Variants in CDH13 observed in about 807,000 individuals in gnomAD.
CDH13 encodes cadherin-13.
In CDH13, 24 loss-of-function variants were observed where a neutral mutation model predicts 63.8. The observed-to-expected ratio is 0.38, with a 90% confidence interval of 0.27 to 0.53. CDH13 has a LOEUF of 0.53. CDH13 is among the 20% of genes least tolerant of loss of function. The probability of loss-of-function intolerance (pLI) is 0.85; values close to 1 mark genes in which losing one functional copy is unlikely to be tolerated. For missense variants in CDH13, 1,049 were observed against 903.1 expected (o/e 1.16, Z -2.07); for synonymous variants, 503 against 355.3 (o/e 1.42, Z -4.67).
chr16:83,308,549 G>A (rs751609487), intron 5 of CDH13, among the ~76,000 whole-genome samples: 60 of 152,174 alleles, frequency 3.9e-4, no homozygotes, highest in Non-Finnish European at 7.5e-4. Flanking sequence ...ACACACTAGA[G>A]ATTACAAAGC....
chr16:83,408,658 C>G (rs1427899466), intron 6 of CDH13, among the ~76,000 whole-genome samples: 2 of 152,170 alleles, frequency 1.3e-5, no homozygotes, highest in African/African-American at 4.8e-5. Context: ...ATATTGTTAT[C>G]CAGCAATGAC....
rs528696626 is a variant in CDH13, at chr16:83,084,572, G to T, written c.367-40813G>T. 6.6e-5 allele frequency among the ~76,000 whole-genome samples: 10 copies of T among 152,280 alleles called. No individual in the cohort carries two copies. In the South Asian group the frequency reaches 2.1e-3, roughly 32 times the overall value. On this transcript the variant is annotated intron_variant, in intron 3 of 13. Coordinates refer to ENST00000567109, the MANE Select transcript of CDH13 (RefSeq NM_001257.5). ...TCCTTTAGAGATACCTTTGGCTGCAGATATGTGACACAGCTGATTTAAAAT... is the reference window on the plus strand; with the variant it reads ...TCCTTTAGAGATACCTTTGGCTGCATATATGTGACACAGCTGATTTAAAAT...
chr16:83,424,114 C>T (rs758805386), intron 6 of CDH13, among the ~76,000 whole-genome samples: 52 of 150,600 alleles, frequency 3.5e-4, no homozygotes, highest in Admixed American at 3.3e-4. Flanking sequence ...AAATCCAAAA[C>T]GTACTGAACA....
rs1451579235 is a variant in CDH13, at chr16:82,644,932, C to T, written c.45+17795C>T. The stretch of plus-strand genomic sequence containing the variant: ...AAAAATTAGGGGAATCAAAAAATTA[C>T]TTGTATAAACTAATATTTTGGAAAA... On this transcript the variant is annotated intron_variant, in intron 1 of 13. Transcript: ENST00000567109. This position sits in a 1 kb window ranked among gnomAD's most constrained non-coding sequence, Gnocchi z 5.7. Among the ~76,000 whole-genome samples, 2 of 152,142 alleles carry T rather than the reference C, an allele frequency of 1.3e-5. No homozygotes were observed. Among genetic ancestry groups the T allele is most frequent in the African/African-American group, 4.8e-5 (2 of 41,426 alleles).
intron 7 of CDH13, among the ~76,000 whole-genome samples, chr16:83,561,021 A>G (rs2075695492): frequency 6.6e-6 from 1 of 151,950 alleles, no homozygotes; most frequent in Non-Finnish European, 1.5e-5. Context: ...CATTTTCTGG[A>G]GGTTTTTCTT....
At chr16:82,947,047 T>TGTGTGTGA (rs947709175) in intron 2 of CDH13, among the ~76,000 whole-genome samples, 54 of 125,030 alleles carry the variant, frequency 4.3e-4, no homozygotes, top group Non-Finnish European at 7.2e-4. Context: ...TGTGTGTGTG[T>TGTGTGTGA]GATGTTGTAA....
At chr16:83,679,237 A>G (rs1330414958) in intron 10 of CDH13, among the ~76,000 whole-genome samples, 1 of 152,260 alleles carries the variant, frequency 6.6e-6, no homozygotes, top group Non-Finnish European at 1.5e-5. Context: ...CACAAATAAA[A>G]GATGCCCTCG....
chr16:83,033,212 G>A (rs1199119657), intron 3 of CDH13, among the ~76,000 whole-genome samples: 1 of 152,004 alleles, frequency 6.6e-6, no homozygotes, highest in East Asian at 1.9e-4. Flanking sequence ...TGCTCCTCCT[G>A]TTGTTTTGTT....
At chr16:83,653,922 T>C (rs1445145903) in intron 8 of CDH13, among the ~76,000 whole-genome samples, 2 of 152,128 alleles carry the variant, frequency 1.3e-5, no homozygotes, top group Non-Finnish European at 2.9e-5. Context: ...GACAGGGGAT[T>C]GAAGGCTTGG....
intron 8 of CDH13, among the ~76,000 whole-genome samples, chr16:83,663,690 G>A (rs1913661329): frequency 6.6e-6 from 1 of 152,148 alleles, no homozygotes; most frequent in Admixed American, 6.5e-5. Flanking sequence ...GTGTTTGAGA[G>A]GCAGGGAAGT....
At chr16:83,749,235 G>A (rs1912871966) in intron 11 of CDH13, among the ~76,000 whole-genome samples, 1 of 152,080 alleles carries the variant, frequency 6.6e-6, no homozygotes, top group African/African-American at 2.4e-5. Context: ...ACTCAACAAG[G>A]GTGAACTAAG....
At chr16:83,722,081 C>G (rs867800188) in intron 10 of CDH13, among the ~76,000 whole-genome samples, 1 of 152,120 alleles carries the variant, frequency 6.6e-6, no homozygotes, top group Non-Finnish European at 1.5e-5. Flanking sequence ...AAGCAAGCTA[C>G]TCATTCCCAG....
chr16:82,906,930 T>A (rs2041665750), intron 2 of CDH13, among the ~76,000 whole-genome samples: 1 of 152,166 alleles, frequency 6.6e-6, no homozygotes, highest in South Asian at 2.1e-4. Flanking sequence ...GAGCCTACCC[T>A]AATCTAAAAT....
intron 2 of CDH13, among the ~76,000 whole-genome samples, chr16:83,024,216 A>G (rs1915599233): frequency 6.6e-6 from 1 of 152,162 alleles, no homozygotes; most frequent in South Asian, 2.1e-4. Flanking sequence ...ATACAAGGAC[A>G]AACTTTTTTA....
intron 6 of CDH13, among the ~76,000 whole-genome samples, chr16:83,357,645 A>G (rs993399253): frequency 6.6e-6 from 1 of 152,146 alleles, no homozygotes; most frequent in Non-Finnish European, 1.5e-5. Flanking sequence ...CGAGCGGGCC[A>G]AGGTCAAGGA....
chr16:82,980,911 T>G (rs1910174707), intron 2 of CDH13, among the ~76,000 whole-genome samples: 1 of 152,238 alleles, frequency 6.6e-6, no homozygotes, highest in South Asian at 2.1e-4. Flanking sequence ...CTCCCGTTGT[T>G]AATTGAGTGT....
chr16:83,620,195 G>T (rs533219196), intron 8 of CDH13, among the ~76,000 whole-genome samples: 1 of 151,928 alleles, frequency 6.6e-6, no homozygotes, highest in Non-Finnish European at 1.5e-5. Flanking sequence ...GATGGAGACC[G>T]GCCTGGCCAA....
chr16:83,208,845 G>T (rs2039255071), intron 4 of CDH13, among the ~76,000 whole-genome samples: 2 of 152,168 alleles, frequency 1.3e-5, no homozygotes, highest in African/African-American at 2.4e-5. Context: ...ATGTGACAGG[G>T]AAAGGGTACT....
intron 1 of CDH13, among the ~76,000 whole-genome samples, chr16:82,772,114 C>G (rs965082744): frequency 2.0e-5 from 3 of 152,114 alleles, no homozygotes; most frequent in Non-Finnish European, 4.4e-5. Flanking sequence ...CTTGGAAGAG[C>G]TGGATGTTAA....
Sources: gnomAD v4.1 joint callset for allele counts (sites outside exome capture counted in the v4.1 genomes callset) on GRCh38, gnomAD v4.1.1 for gene constraint, Gnocchi (gnomAD v3.1) non-coding constraint, MANE v1.5 for transcripts, NCBI Gene and HGNC (gene_info 2026-07-23, HGNC 2026-07-21) for gene names.